Variants in WWC2 observed in about 807,000 individuals in gnomAD.
The protein encoded by WWC2 is protein WWC2.
WWC2 carries 101 observed loss-of-function variants against 138.5 expected under a neutral mutation model. The ratio of observed to expected loss-of-function variants is 0.73; its 90% CI spans 0.62 to 0.86. The LOEUF (loss-of-function observed/expected upper bound fraction) is 0.86, where lower values mean the gene tolerates loss of function less well. WWC2 is among the 40% of genes least tolerant of loss of function. The pLI is 0.00. For missense variants in WWC2, 1,420 were observed against 1,419.4 expected (o/e 1.00, Z -0.01); for synonymous variants, 558 against 538.4 (o/e 1.04, Z -0.50).
intron 1 of WWC2, among the ~76,000 whole-genome samples, chr4:183,133,070 T>G (rs534235129): frequency 6.6e-6 from 1 of 151,368 alleles, no homozygotes; most frequent in South Asian, 2.1e-4. Context: ...TTCTTTTTCC[T>G]TCCCTCTTCC....
intron 1 of WWC2, among the ~76,000 whole-genome samples, chr4:183,113,511 T>C (rs933593514): frequency 3.1e-4 from 41 of 130,236 alleles, no homozygotes; most frequent in Middle Eastern, 3.8e-3. Flanking sequence ...TGTGTGTGTG[T>C]GTGTGCGCGC....
chr4:183,131,962 T>G (rs535350972), intron 1 of WWC2, among the ~76,000 whole-genome samples: 2 of 152,336 alleles, frequency 1.3e-5, no homozygotes, highest in Admixed American at 6.5e-5. Context: ...ATGATGCCTC[T>G]TCCACACCAG....
intron 4 of WWC2, among the ~76,000 whole-genome samples, chr4:183,212,982 T>C (rs1439285715): frequency 6.6e-6 from 1 of 152,198 alleles, no homozygotes; most frequent in East Asian, 1.9e-4. Flanking sequence ...AAGAAGGTGC[T>C]TCCCTCACAA....
At position 183,289,695 on chromosome 4, in the gene WWC2, T is replaced by C. The variant is rs562945632; in HGVS notation, c.3384+60T>C. On this transcript the variant is annotated intron_variant, in intron 21 of 22. Coordinates refer to ENST00000403733, the MANE Select transcript of WWC2 (RefSeq NM_024949.6). The stretch of plus-strand genomic sequence containing the variant: ...TTACATCTTTTTTTAAAGCGTGCCA[T>C]GTAGAAGGTACCCAACTTACACTTC... The C allele has an allele frequency of 2.3e-5, 36 of 1,574,812 alleles. No individual in the cohort carries two copies. The Middle Eastern group carries it at 6.4e-4, about 28-fold the overall frequency.
At chr4:183,259,767 G>A (rs11132172) in intron 10 of WWC2, 39 bp downstream of exon 10, 430,582 of 1,333,086 alleles carry the variant, frequency 0.32, 72,129 homozygotes, top group South Asian at 0.46. Context: ...GCTTTTCTCC[G>A]AATAGCATGT....
chr4:183,149,316 T>G (rs1733567541), intron 1 of WWC2, among the ~76,000 whole-genome samples: 1 of 152,156 alleles, frequency 6.6e-6, no homozygotes. Context: ...CATAGGTGGT[T>G]GTTTCTTTTG....
intron 4 of WWC2, among the ~76,000 whole-genome samples, chr4:183,213,344 C>A (rs1735662621): frequency 6.6e-6 from 1 of 152,210 alleles, no homozygotes; most frequent in African/African-American, 2.4e-5. Context: ...TGTTAAAAAT[C>A]CCTTTCACGA....
intron 1 of WWC2, among the ~76,000 whole-genome samples, chr4:183,102,868 C>CTTTTTTT (rs779381709): frequency 1.7e-5 from 2 of 118,824 alleles, no homozygotes; most frequent in African/African-American, 6.2e-5. Context: ...TGGCCTGGTG[C>CTTTTTTT]TTTTTTTTTT....
chr4:183,287,018 G>A (rs941908846), intron 20 of WWC2, among the ~76,000 whole-genome samples: 2 of 152,160 alleles, frequency 1.3e-5, no homozygotes, highest in East Asian at 3.9e-4. Context: ...AGGGACACAC[G>A]GCATGAGGAG....
At chr4:183,105,750 C>T (rs972543628) in intron 1 of WWC2, among the ~76,000 whole-genome samples, 5 of 151,994 alleles carry the variant, frequency 3.3e-5, no homozygotes, top group Non-Finnish European at 5.9e-5. Flanking sequence ...ATTTGCCAGG[C>T]GTGGTGGCGG....
chr4:183,158,252 CA>C (rs914044564), intron 1 of WWC2, among the ~76,000 whole-genome samples: 1 of 152,082 alleles, frequency 6.6e-6, no homozygotes, highest in Non-Finnish European at 1.5e-5. Context: ...CAATAAAAAC[CA>C]CAGCGCTTGT....
chr4:183,312,585 C>G, intron 22 of WWC2, 117 bp downstream of exon 22: 3 of 1,427,710 alleles, frequency 2.1e-6, no homozygotes, highest in Non-Finnish European at 2.9e-6. Flanking sequence ...GTCCTCTGTT[C>G]TCTACCTTGA....
In WWC2 at chr4:183,320,505, A is replaced by G; in HGVS notation, c.*4776A>G. 2.4e-6 allele frequency: 1 copy of G among 420,844 alleles called. No individual in the cohort carries two copies. The highest frequency in any genetic ancestry group is 4.9e-5 in the South Asian group (1 of 20,260). 26.1% of individuals were successfully genotyped at this position (420,844 alleles called of 1,614,324 possible). ...GCAGTTTGTCACTGAAATATAATTA[A>G]GTGATAATCTCCTTTCATTGTCAAG... On this transcript the variant is annotated 3_prime_UTR_variant, in exon 23 of 23. Coordinates refer to ENST00000403733, the MANE Select transcript of WWC2 (RefSeq NM_024949.6).
At chr4:183,226,387 C>T (rs1019098301) in intron 4 of WWC2, among the ~76,000 whole-genome samples, 2 of 150,692 alleles carry the variant, frequency 1.3e-5, no homozygotes, top group Non-Finnish European at 2.9e-5. Context: ...CAGTATAATG[C>T]ATGGGTTAAC....
intron 1 of WWC2, among the ~76,000 whole-genome samples, chr4:183,142,556 G>T (rs1222654397): frequency 6.6e-6 from 1 of 152,152 alleles, no homozygotes; most frequent in Non-Finnish European, 1.5e-5. Context: ...ACACTTCTTT[G>T]TAATCTTTTC....
At chr4:183,204,849 A>T (rs1175805637) in intron 2 of WWC2, among the ~76,000 whole-genome samples, 1 of 152,144 alleles carries the variant, frequency 6.6e-6, no homozygotes, top group Admixed American at 6.5e-5. Context: ...ATTTCATATA[A>T]ATGGAATCAT....
At chr4:183,158,307 C>T (rs942674501) in intron 1 of WWC2, among the ~76,000 whole-genome samples, 2 of 152,092 alleles carry the variant, frequency 1.3e-5, no homozygotes, top group South Asian at 4.1e-4. Context: ...GTAGGGCTGC[C>T]ATAACAAAGT....
In WWC2 at chr4:183,152,812, G is replaced by A. The variant is rs1296800075; in HGVS notation, c.132-40787G>A. On this transcript the variant is annotated intron_variant, in intron 1 of 22. Coordinates refer to ENST00000403733, the MANE Select transcript of WWC2 (RefSeq NM_024949.6). ...GCAGGAGAATCGCTTGAACCCAGGA[G>A]GCAGAGGTTGCAGTGAGCCAAAATT... Among the ~76,000 whole-genome samples, 3 of 151,878 alleles carry A rather than the reference G, an allele frequency of 2.0e-5. No individual in the cohort carries two copies. The East Asian group carries it at 5.8e-4, about 30-fold the overall frequency.
At position 183,269,152 on chromosome 4, in the gene WWC2, G is replaced by A; in HGVS notation, c.2389G>A (p.Glu797Lys). ...DLCSVSKHRR[E>K]ECLAGTQISL... ...TTGCTCTGTCAGTAAACACCGAAGG[G>A]AAGAATGCCTGGTAGGATTCTTCAT... The change falls in exon 15 of 23, where the codon GAA becomes AAA. Residue 797 changes from glutamate to lysine, a missense_variant. Physicochemically the swap from Glu to Lys is moderately conservative, Grantham distance 56. Coordinates refer to ENST00000403733, the MANE Select transcript of WWC2 (RefSeq NM_024949.6). The A allele has an allele frequency of 6.2e-7, 1 of 1,609,442 alleles. No individual in the cohort carries two copies. Among genetic ancestry groups the A allele is most frequent in the Non-Finnish European group, 8.5e-7 (1 of 1,178,754 alleles).
Sources: allele counts gnomAD v4.1 joint callset (sites outside exome capture counted in the v4.1 genomes callset), GRCh38; gene constraint gnomAD v4.1.1; transcripts MANE v1.5; gene names NCBI Gene and HGNC (gene_info 2026-07-23, HGNC 2026-07-21).